MGRN1: variants seen among roughly 807,000 people sequenced by gnomAD.
MGRN1 encodes mahogunin ring finger 1.
A neutral mutation model predicts 69.2 loss-of-function variants in MGRN1; 29 were observed. The observed-to-expected ratio is 0.42, with a 90% CI of 0.31 to 0.57. MGRN1 has a LOEUF of 0.57. Ranked by LOEUF, MGRN1 falls within the 20% of genes least tolerant of loss-of-function variation. MGRN1 has a pLI of 0.15. For synonymous variants in MGRN1, 470 were observed against 344.2 expected (o/e 1.37, Z -4.04); for missense variants, 998 against 796.2 (o/e 1.25, Z -3.05).
intron 5 of MGRN1, among the ~76,000 whole-genome samples, chr16:4,663,597 A>T (rs1457403489): frequency 6.6e-6 from 1 of 152,206 alleles, no homozygotes; most frequent in East Asian, 1.9e-4. Flanking sequence ...CGAGGATGTC[A>T]TGGTGACTGG....
At chr16:4,668,760 ATT>A (rs2078869050) in intron 8 of MGRN1, among the ~76,000 whole-genome samples, 2 of 118,276 alleles carry the variant, frequency 1.7e-5, no homozygotes, top group South Asian at 5.1e-4. Flanking sequence ...ACATATACCC[ATT>A]CACACACACA....
At chr16:4,683,203 A>G (rs745521158) in intron 14 of MGRN1, 21 bp from the exon 15 acceptor site, 8 of 1,613,222 alleles carry the variant, frequency 5.0e-6, no homozygotes, top group East Asian at 2.2e-5. Flanking sequence ...GCTCTAGGCT[A>G]CTTTCCCCTT....
At chr16:4,639,655 G>A (rs999477991) in intron 1 of MGRN1, 1 of 152,302 alleles carries the variant, frequency 6.6e-6, no homozygotes, top group Non-Finnish European at 1.5e-5. Flanking sequence ...ATCCACACAT[G>A]GTCCCCGTAT....
intron 16 of MGRN1, chr16:4,686,669 A>G: frequency 9.1e-7 from 1 of 1,096,842 alleles, no homozygotes; most frequent in Non-Finnish European, 1.1e-6. Flanking sequence ...AGCTTGAGGG[A>G]TGAGGGCAGC....
Position 4,648,400 on chromosome 16 carries a change from G to A in MGRN1, c.89-1965G>A, listed in dbSNP as rs1165145186. ...CCGGGGACTCTTCCCGTGGTCACCC[G>A]GGTCCTCCTCCCGGGGGCTCTTCCC... On this transcript the variant is annotated intron_variant, in intron 1 of 16. Coordinates refer to ENST00000262370, the MANE Select transcript of MGRN1 (RefSeq NM_015246.4). Among the ~76,000 whole-genome samples, 4 of 129,612 alleles carry A rather than the reference G, an allele frequency of 3.1e-5. 1 individual carries two copies. The highest frequency in any genetic ancestry group is 2.6e-4 in the South Asian group (1 of 3,812). The allele number at this position is 129,612 out of a possible 152,430, so 85.0% of individuals were successfully genotyped here.
intron 11 of MGRN1, among the ~76,000 whole-genome samples, chr16:4,679,199 G>C (rs1484815131): frequency 6.6e-6 from 1 of 152,220 alleles, no homozygotes; most frequent in Non-Finnish European, 1.5e-5. Context: ...CTCTGAGAGG[G>C]TTTCACCTAG....
intron 1 of MGRN1, among the ~76,000 whole-genome samples, chr16:4,641,450 A>G (rs544255255): frequency 2.0e-5 from 3 of 150,780 alleles, no homozygotes; most frequent in East Asian, 1.9e-4. Flanking sequence ...CTGGGCTCGC[A>G]TGGTCCTTCT....
chr16:4,654,723 C>T (rs1375107207), intron 4 of MGRN1, among the ~76,000 whole-genome samples: 2 of 152,214 alleles, frequency 1.3e-5, no homozygotes, highest in African/African-American at 2.4e-5. Flanking sequence ...CTGTGCACAG[C>T]CCCTCGCGTG....
chr16:4,687,132 G>T, intron 16 of MGRN1: 2 of 985,416 alleles, frequency 2.0e-6, no homozygotes. Flanking sequence ...CGACTCACCT[G>T]TCCCTCCCAG....
chr16:4,666,968 C>T lies in MGRN1; in HGVS notation c.679-1297C>T, dbSNP rs150924084. 2.0e-3 allele frequency among the ~76,000 whole-genome samples: 312 copies of T among 152,306 alleles called. 1 individual carries two copies. Among genetic ancestry groups the T allele is most frequent in the African/African-American group, 7.1e-3 (294 of 41,550 alleles). ...TGAGAACCTGGCGGAGGTGGTGGGA[C>T]GCACGCTTGTTTGATAGTGCCTTGG... On this transcript the variant is annotated intron_variant, in intron 7 of 16. Transcript: ENST00000262370.
intron 1 of MGRN1, among the ~76,000 whole-genome samples, chr16:4,637,319 C>T (rs1029541345): frequency 2.1e-5 from 3 of 143,458 alleles, no homozygotes; most frequent in African/African-American, 7.8e-5. Context: ...AATCCTAGCT[C>T]CTGGGGAGGC....
Position 4,680,031 on chromosome 16 carries a change from G to GT in MGRN1, c.1066dup (p.Cys356LeufsTer4). The GT allele has an allele frequency of 6.2e-7, 1 of 1,613,878 alleles. No homozygotes were observed. Among genetic ancestry groups the GT allele is most frequent in the Non-Finnish European group, 8.5e-7 (1 of 1,179,844 alleles). The stretch of plus-strand genomic sequence containing the variant: ...AAAACATATGATTTTTATCTTGACA[G>GT]TGTCCCTTTAAAAAATCAAAGCCGC... On this transcript the variant is annotated frameshift_variant and splice_region_variant. Coordinates refer to ENST00000262370, the MANE Select transcript of MGRN1 (RefSeq NM_015246.4). LOFTEE classifies it high-confidence loss of function.
At chr16:4,674,637 T>TC (rs1275720684) in intron 10 of MGRN1, among the ~76,000 whole-genome samples, 1 of 116,214 alleles carries the variant, frequency 8.6e-6, no homozygotes, top group African/African-American at 3.2e-5. Flanking sequence ...TTTTTTTTTT[T>TC]TTTTTTTTTT....
chr16:4,676,309 G>A (rs554213024), intron 10 of MGRN1, among the ~76,000 whole-genome samples: 1 of 152,356 alleles, frequency 6.6e-6, no homozygotes, highest in East Asian at 1.9e-4. Flanking sequence ...GCAGGGGTGG[G>A]CTGTCTAGGA....
chr16:4,657,738 C>CTTTTTTTTTT (rs1157518931), intron 5 of MGRN1, among the ~76,000 whole-genome samples: 2 of 76,998 alleles, frequency 2.6e-5, no homozygotes, highest in South Asian at 5.4e-4. Flanking sequence ...TGCAGACATC[C>CTTTTTTTTTT]TTTTTTTTTT....
Position 4,683,219 on chromosome 16 carries a change from C to T in MGRN1, c.1483-5C>T, listed in dbSNP as rs760728291. ...CTCTAGGCTACTTTCCCCTTTGTTT[C>T]CTAGAGTTTCATAACAGAAGAGGTT... On this transcript the variant is annotated splice_polypyrimidine_tract_variant and splice_region_variant and intron_variant, in intron 14 of 16. Coordinates refer to ENST00000262370, the MANE Select transcript of MGRN1 (RefSeq NM_015246.4). 56 of 1,613,516 alleles carry T rather than the reference C, an allele frequency of 3.5e-5. No individual in the cohort carries two copies. The highest frequency in any genetic ancestry group is 4.3e-5 in the Non-Finnish European group (51 of 1,179,974).
At chr16:4,670,720 A>G (rs2078919910) in intron 8 of MGRN1, among the ~76,000 whole-genome samples, 1 of 152,090 alleles carries the variant, frequency 6.6e-6, no homozygotes, top group Non-Finnish European at 1.5e-5. Context: ...AACAAAAGAG[A>G]GGTGCAGCAA....
At chr16:4,673,128 G>A (rs537688662) in intron 9 of MGRN1, among the ~76,000 whole-genome samples, 12 of 152,312 alleles carry the variant, frequency 7.9e-5, no homozygotes, top group Non-Finnish European at 1.5e-4. Flanking sequence ...GTGAGCCACC[G>A]CGCCTGACCA....
chr16:4,648,305 G>A (rs1216110871), intron 1 of MGRN1, among the ~76,000 whole-genome samples: 4 of 134,376 alleles, frequency 3.0e-5, no homozygotes, highest in African/African-American at 6.6e-5. Context: ...TCCTCCTCCC[G>A]CGGGCTCTTC....
Sources: gnomAD v4.1 joint callset for allele counts (sites outside exome capture counted in the v4.1 genomes callset) on GRCh38, gnomAD v4.1.1 for gene constraint, MANE v1.5 for transcripts, NCBI Gene and HGNC (gene_info 2026-07-23, HGNC 2026-07-21) for gene names.